Variants in CYP2E1 observed in about 807,000 individuals in gnomAD.
The protein encoded by CYP2E1 is cytochrome P450 family 2 subfamily E member 1, also known as cytochrome P450 2E1.
CYP2E1 carries 31 observed loss-of-function variants against 42.9 expected under a neutral mutation model. That is an observed-to-expected ratio of 0.72 (90% CI 0.54 to 0.98). CYP2E1 has a LOEUF of 0.98. Among genes scored for constraint, CYP2E1 ranks in the 50% least tolerant of loss-of-function variants. CYP2E1 has a pLI of 0.00. For synonymous variants in CYP2E1, 244 were observed against 248.9 expected, an observed-to-expected ratio of 0.98 and a Z score of 0.19; for missense variants, 565 against 633.2, an observed-to-expected ratio of 0.89 and a Z score of 1.16.
intron 5 of CYP2E1, 152 bp downstream of exon 5, chr10:133,533,020 C>T: frequency 1.3e-6 from 1 of 764,112 alleles, no homozygotes; most frequent in Non-Finnish European, 2.0e-6. Flanking sequence ...TTCAGCATGA[C>T]CACTGGACGC....
intron 7 of CYP2E1, 87 bp from the exon 8 acceptor site, chr10:133,537,664 C>T (rs1851421914): frequency 8.4e-7 from 1 of 1,186,528 alleles, no homozygotes; most frequent in African/African-American, 1.5e-5. Context: ...GCATAATATT[C>T]AAAACTACAT....
In CYP2E1 at chr10:133,528,634, GAC is replaced by G; in HGVS notation, c.333_334del (p.Asp111GlufsTer6). 6.2e-7 allele frequency: 1 copy of G among 1,613,190 alleles called. No homozygotes were observed. Among genetic ancestry groups the G allele is most frequent in the East Asian group, 2.2e-5 (1 of 44,858 alleles). On this transcript the variant is annotated frameshift_variant, in exon 2 of 9. Coordinates refer to ENST00000252945, the MANE Select transcript of CYP2E1 (RefSeq NM_000773.4). LOFTEE classifies it high-confidence loss of function. ...GDLPAFHAHR[D>X]RGIIFNNGPT... ...CCTCCCCGCGTTCCATGCGCACAGG[GAC>G]AGGGGTGAGTCCGCGTCCCTGGCAC...
At chr10:133,536,873 G>A (rs1211055514) in intron 6 of CYP2E1, among the ~76,000 whole-genome samples, 190 bp from the exon 7 acceptor site, 10 of 145,008 alleles carry the variant, frequency 6.9e-5, no homozygotes, top group African/African-American at 2.5e-4. Flanking sequence ...GGGTGGGTGG[G>A]TGGATGGATG....
rs753140012 is a variant in CYP2E1 at position 133,532,860 on chromosome 10, A to G, written c.817A>G (p.Met273Val). The change falls in exon 5 of 9, where the codon ATG becomes GTG. Residue 273 changes from methionine to valine, a missense_variant. Transcript: ENST00000252945. ...RDLTDCLLVE[M>V]EKEKHSAERL... ...CCTCACCGACTGCCTGCTCGTGGAA[A>G]TGGAGAAGGTAGGCTCGGCCCTCCC... 2 of 1,603,888 alleles carry G rather than the reference A, an allele frequency of 1.2e-6. No homozygotes were observed. Among genetic ancestry groups the G allele is most frequent in the Non-Finnish European group, 8.5e-7 (1 of 1,177,518 alleles).
chr10:133,538,799 A>G lies in CYP2E1; in HGVS notation c.1317A>G (p.Gly439=). ...TTCTAGGAAAACGAGTGTGTGCTGG[A>G]GAAGGCCTGGCTCGCATGGAGTTGT... is the stretch of plus-strand genomic sequence containing the variant. The part of the protein sequence containing the change: ...PFSTGKRVCA[G]EGLARMELFL... The change falls in exon 9 of 9, where the codon GGA becomes GGG. Residue 439 remains glycine, a synonymous_variant. Coordinates refer to ENST00000252945, the MANE Select transcript of CYP2E1 (RefSeq NM_000773.4). 1.2e-6 allele frequency: 2 copies of G among 1,614,016 alleles called. No individual in the cohort carries two copies. The highest frequency in any genetic ancestry group is 2.2e-5 in the East Asian group (1 of 44,882).
intron 6 of CYP2E1, among the ~76,000 whole-genome samples, chr10:133,534,330 G>A (rs1365092515): frequency 1.3e-5 from 2 of 150,584 alleles, no homozygotes; most frequent in African/African-American, 4.9e-5. Flanking sequence ...GACGTGAGGA[G>A]GGAAGTCCAG....
At chr10:133,533,649 C>G (rs543106465) in intron 5 of CYP2E1, 107 bp from the exon 6 acceptor site, 1 of 1,291,888 alleles carries the variant, frequency 7.7e-7, no homozygotes, top group African/African-American at 1.5e-5. Flanking sequence ...CTGGGAGAGC[C>G]TCTTGGACAC....
chr10:133,531,245 A>G (rs146947963), intron 2 of CYP2E1, among the ~76,000 whole-genome samples: 2 of 152,194 alleles, frequency 1.3e-5, no homozygotes, highest in African/African-American at 2.4e-5. Flanking sequence ...TGGAGTGGCC[A>G]TATGTGGTTT....
Position 133,527,494 on chromosome 10 carries a change from C to T in CYP2E1, c.99C>T (p.Pro33=). Residue 33 remains proline (P), a synonymous_variant, in exon 1 of 9, where the codon CCC becomes CCT. Transcript: ENST00000252945. ...WRQVHSSWNL[P]PGPFPLPIIG... ...AGGTGCACAGCAGCTGGAATCTGCC[C>T]CCAGGCCCTTTCCCGCTTCCCATCA... 6.2e-7 allele frequency: 1 copy of T among 1,613,676 alleles called. No homozygotes were observed. The highest frequency in any genetic ancestry group is 8.5e-7 in the Non-Finnish European group (1 of 1,179,966).
intron 6 of CYP2E1, among the ~76,000 whole-genome samples, chr10:133,535,041 A>T (rs559414558): frequency 1.1e-4 from 16 of 151,982 alleles, no homozygotes; most frequent in African/African-American, 2.4e-4. Flanking sequence ...TTAAAAATTT[A>T]AAAAAATTAT....
rs1851284678 is a variant in CYP2E1, at chr10:133,527,497, A to G, written c.102A>G (p.Pro34=). 3.1e-6 allele frequency: 5 copies of G among 1,613,628 alleles called. No homozygotes were observed. The South Asian group carries it at 3.3e-5, about 11-fold the overall frequency. ...TGCACAGCAGCTGGAATCTGCCCCC[A>G]GGCCCTTTCCCGCTTCCCATCATCG... ...RQVHSSWNLP[P]GPFPLPIIGN... Residue 34 remains proline, a synonymous_variant, in exon 1 of 9, where the codon CCA becomes CCG. Transcript: ENST00000252945.
rs1433121603 is a variant in CYP2E1, at chr10:133,537,236, T to C, written c.1141T>C (p.Tyr381His). 3 of 1,613,890 alleles carry C rather than the reference T, an allele frequency of 1.9e-6. No individual in the cohort carries two copies. Among genetic ancestry groups the C allele is most frequent in the Non-Finnish European group, 2.5e-6 (3 of 1,179,886 alleles). Reference sequence around the variant, plus strand: ...AACCCGAGACACCATTTTCAGAGGATACCTCATCCCCAAGGTTAAGCAATG... The same window carrying C: ...AACCCGAGACACCATTTTCAGAGGACACCTCATCCCCAAGGTTAAGCAATG... ...EATRDTIFRGYLIPKGTVVVP... is the reference protein window; with the variant it reads ...EATRDTIFRGHLIPKGTVVVP... Residue 381 changes from tyrosine (Y) to histidine (H), a missense_variant, in exon 7 of 9, where the codon TAC becomes CAC. Physicochemically the swap from Tyr to His is moderately conservative, Grantham distance 83. Coordinates refer to ENST00000252945, the MANE Select transcript of CYP2E1 (RefSeq NM_000773.4).
intron 1 of CYP2E1, among the ~76,000 whole-genome samples, chr10:133,527,790 G>T (rs1851288130): frequency 6.6e-6 from 1 of 152,196 alleles, no homozygotes; most frequent in Admixed American, 6.5e-5. Flanking sequence ...CCCCGCCGGT[G>T]CCTTGTCCTG....
chr10:133,531,750 C>T lies in CYP2E1; in HGVS notation c.487+16C>T. ...AAGACCCAAGGTGCGTATCTGCTGC[C>T]TAGCAGGGCCCAGTCCTCTTGCAGA... On this transcript the variant is annotated intron_variant, in intron 3 of 8. Transcript: ENST00000252945. 3 of 1,569,260 alleles carry T rather than the reference C, an allele frequency of 1.9e-6. No homozygotes were observed. Among genetic ancestry groups the T allele is most frequent in the Non-Finnish European group, 2.6e-6 (3 of 1,159,170 alleles).
Position 133,529,308 on chromosome 10 carries a change from C to T in CYP2E1, c.337+668C>T, listed in dbSNP as rs991139384. On this transcript the variant is annotated intron_variant, in intron 2 of 8. Coordinates refer to ENST00000252945, the MANE Select transcript of CYP2E1 (RefSeq NM_000773.4). ...TGGAGGTCTGGCTCGTCTTTATCTGCGCATTCTCCCAGCCTCCTGGCTTCA... is the reference window on the plus strand; with the variant it reads ...TGGAGGTCTGGCTCGTCTTTATCTGTGCATTCTCCCAGCCTCCTGGCTTCA... Among the ~76,000 whole-genome samples, 4 of 152,314 alleles carry T rather than the reference C, an allele frequency of 2.6e-5. No homozygotes were observed. In the East Asian group the frequency reaches 7.7e-4, roughly 29 times the overall value.
At position 133,528,488 on chromosome 10, in the gene CYP2E1, A is replaced by G. The variant is rs773302720; in HGVS notation, c.185A>G (p.Gln62Arg). The G allele has an allele frequency of 1.9e-6, 3 of 1,612,862 alleles. No homozygotes were observed. In the South Asian group the frequency reaches 3.3e-5, roughly 18 times the overall value. ...AGCCACGGGTCTCCGCAGTTGGCCC[A>G]GCGCTTCGGGCCGGTGTTCACGCTG... is the stretch of plus-strand genomic sequence containing the variant. ...NIPKSFTRLA[Q>R]RFGPVFTLYV... The change falls in exon 2 of 9, where the codon CAG (glutamine) becomes CGG (arginine). Residue 62 changes from glutamine to arginine, a missense_variant. Coordinates refer to ENST00000252945, the MANE Select transcript of CYP2E1 (RefSeq NM_000773.4).
chr10:133,527,424 T>TG lies in CYP2E1; in HGVS notation c.30dup (p.Leu11AlafsTer107), dbSNP rs1851283349. 6.2e-7 allele frequency: 1 copy of TG among 1,612,452 alleles called. No homozygotes were observed. Among genetic ancestry groups the TG allele is most frequent in the Non-Finnish European group, 8.5e-7 (1 of 1,179,398 alleles). ...TCTGCCCTCGGAGTCACCGTGGCCC[T>TG]GCTGGTGTGGGCGGCCTTCCTCCTG... On this transcript the variant is annotated frameshift_variant, in exon 1 of 9. Transcript: ENST00000252945. LOFTEE classifies it high-confidence loss of function.
rs775844629 is a variant in CYP2E1 at position 133,528,606 on chromosome 10, C to T, written c.303C>T (p.Gly101=). 6 of 1,613,388 alleles carry T rather than the reference C, an allele frequency of 3.7e-6. No individual in the cohort carries two copies. Among genetic ancestry groups the T allele is most frequent in the Admixed American group, 1.7e-5 (1 of 60,030 alleles). ...LDYKDEFSGR[G]DLPAFHAHRD... is the part of the protein sequence containing the mutation. Reference sequence around the variant, plus strand: ...ACAAGGACGAGTTCTCGGGCAGAGGCGACCTCCCCGCGTTCCATGCGCACA... The same window carrying T: ...ACAAGGACGAGTTCTCGGGCAGAGGTGACCTCCCCGCGTTCCATGCGCACA... Residue 101 remains glycine, a synonymous_variant, in exon 2 of 9, where the codon GGC becomes GGT. Transcript: ENST00000252945.
At chr10:133,531,426 T>C in intron 2 of CYP2E1, 159 bp from the exon 3 acceptor site, 1 of 872,942 alleles carries the variant, frequency 1.1e-6, no homozygotes, top group East Asian at 2.5e-5. Context: ...TGCTGGCAGC[T>C]CCCAGGCTGG....
Sources: allele counts gnomAD v4.1 joint callset (sites outside exome capture counted in the v4.1 genomes callset), GRCh38; gene constraint gnomAD v4.1.1; transcripts MANE v1.5; gene names NCBI Gene and HGNC (gene_info 2026-07-23, HGNC 2026-07-21).